PCDHA10: variants seen among roughly 807,000 people sequenced by gnomAD.
PCDHA10 encodes protocadherin alpha-10.
PCDHA10 carries 45 observed loss-of-function variants against 61.2 expected under a neutral mutation model. The ratio of observed to expected loss-of-function variants is 0.74; its 90% CI spans 0.58 to 0.94. The LOEUF is 0.94. PCDHA10 is among the 40% of genes least tolerant of loss of function. The pLI is 0.00. For missense variants in PCDHA10, 1,278 were observed against 1,236.2 expected, an observed-to-expected ratio of 1.03 and a Z score of -0.51; for synonymous variants, 602 against 548.8, an observed-to-expected ratio of 1.10 and a Z score of -1.35.
intron 1 of PCDHA10, chr5:140,877,301 A>T (rs2057007244): frequency 6.2e-7 from 1 of 1,613,758 alleles, no homozygotes; most frequent in African/African-American, 1.3e-5. Flanking sequence ...CTGTCCTACG[A>T]GTTGCAACCG....
chr5:140,873,031 G>A (rs782124612), intron 1 of PCDHA10, among the ~76,000 whole-genome samples: 3 of 152,110 alleles, frequency 2.0e-5, no homozygotes, highest in East Asian at 1.9e-4. Context: ...CTTACTACAC[G>A]TAGAGTGGTG....
intron 1 of PCDHA10, chr5:140,860,876 T>C (rs1451611710): frequency 6.6e-6 from 1 of 152,390 alleles, no homozygotes; most frequent in Non-Finnish European, 1.5e-5. Flanking sequence ...TAGCTGGGAC[T>C]ACAGGTGCCC....
chr5:140,862,813 T>C lies in PCDHA10; in HGVS notation c.2388+4377T>C. 2 of 571,594 alleles carry C rather than the reference T, an allele frequency of 3.5e-6. 1 individual carries two copies. Among genetic ancestry groups the C allele is most frequent in the Non-Finnish European group, 6.7e-6 (2 of 297,160 alleles). The allele number at this position is 571,594 out of a possible 1,614,324, so 35.4% of individuals were successfully genotyped here. On this transcript the variant is annotated intron_variant, in intron 1 of 3. Coordinates refer to ENST00000307360, the MANE Select transcript of PCDHA10 (RefSeq NM_018901.4). ...CGAGGAGCTGGAGCTGCTGCAGTTC[T>C]AGGTGAGAGCGCGCGACGCGGGCAT... is the stretch of plus-strand genomic sequence containing the variant.
At chr5:140,934,899 T>G (rs1320708660) in intron 1 of PCDHA10, among the ~76,000 whole-genome samples, 2 of 152,184 alleles carry the variant, frequency 1.3e-5, no homozygotes, top group Non-Finnish European at 2.9e-5. Flanking sequence ...AACCTTTTAT[T>G]TTGGAATAAT....
At chr5:141,004,976 A>G (rs1554259837) in intron 3 of PCDHA10, among the ~76,000 whole-genome samples, 1 of 152,248 alleles carries the variant, frequency 6.6e-6, no homozygotes, top group Non-Finnish European at 1.5e-5. Flanking sequence ...GTAAATTTGC[A>G]GTATCATTAT....
At chr5:140,867,777 A>C (rs1477276984) in intron 1 of PCDHA10, 1 of 152,128 alleles carries the variant, frequency 6.6e-6, no homozygotes, top group Non-Finnish European at 1.5e-5. Context: ...CTCATAAGCA[A>C]TTCCTGTATT....
intron 1 of PCDHA10, chr5:140,927,418 C>A: frequency 6.2e-7 from 1 of 1,614,106 alleles, no homozygotes; most frequent in Non-Finnish European, 8.5e-7. Flanking sequence ...CATGGGATCG[C>A]GGGTTGACGG....
At chr5:140,925,238 T>C (rs2082404327) in intron 1 of PCDHA10, among the ~76,000 whole-genome samples, 1 of 152,248 alleles carries the variant, frequency 6.6e-6, no homozygotes, top group African/African-American at 2.4e-5. Context: ...CCAGAAAATA[T>C]GTCCTGGAAA....
intron 1 of PCDHA10, among the ~76,000 whole-genome samples, chr5:140,906,751 G>C (rs782384757): frequency 1.3e-5 from 2 of 152,166 alleles, no homozygotes; most frequent in African/African-American, 2.4e-5. Context: ...CACAGGGCAT[G>C]GTAATACTAA....
intron 1 of PCDHA10, among the ~76,000 whole-genome samples, chr5:140,920,101 G>A (rs880001163): frequency 2.0e-5 from 3 of 152,180 alleles, no homozygotes; most frequent in African/African-American, 7.2e-5. Flanking sequence ...TCTAAAGGGA[G>A]TGCAACCTTG....
chr5:140,877,684 A>C, intron 1 of PCDHA10: 1 of 1,613,768 alleles, frequency 6.2e-7, no homozygotes, highest in East Asian at 2.2e-5. Flanking sequence ...GGGCAAGCCC[A>C]CGCTGGTGTG....
intron 3 of PCDHA10, among the ~76,000 whole-genome samples, chr5:140,997,706 A>G (rs1387378770): frequency 3.3e-5 from 5 of 151,686 alleles, no homozygotes; most frequent in African/African-American, 1.2e-4. Flanking sequence ...GTATGTTAAC[A>G]AACACCTTTC....
At chr5:140,988,877 G>A (rs372950279) in intron 3 of PCDHA10, 8 of 152,310 alleles carry the variant, frequency 5.3e-5, no homozygotes, top group East Asian at 3.9e-4. Context: ...TCAGATGTAC[G>A]ATCCTGGATA....
intron 3 of PCDHA10, among the ~76,000 whole-genome samples, chr5:140,986,151 G>T (rs547474191): frequency 6.6e-6 from 1 of 152,316 alleles, no homozygotes; most frequent in East Asian, 1.9e-4. Flanking sequence ...GCATCACCAA[G>T]TAATGTTTTC....
intron 1 of PCDHA10, among the ~76,000 whole-genome samples, chr5:140,937,563 G>T (rs986469529): frequency 2.0e-5 from 3 of 151,960 alleles, no homozygotes; most frequent in African/African-American, 7.3e-5. Flanking sequence ...GTTGCAGTGA[G>T]CTGGGATCGC....
chr5:140,967,529 C>A, intron 1 of PCDHA10: 1 of 1,613,244 alleles, frequency 6.2e-7, no homozygotes, highest in South Asian at 1.1e-5. Context: ...CGACAACTCT[C>A]CTGCCTTTGA....
intron 1 of PCDHA10, chr5:140,926,753 G>C (rs1431209513): frequency 3.5e-5 from 44 of 1,268,526 alleles, no homozygotes; most frequent in Non-Finnish European, 4.4e-5. Context: ...GTCGGCGGTC[G>C]CTGAGTATCC....
chr5:140,924,909 AATAAAAT>A (rs1563069072), intron 1 of PCDHA10, among the ~76,000 whole-genome samples: 5 of 66,374 alleles, frequency 7.5e-5, no homozygotes, highest in African/African-American at 2.5e-4. Context: ...AAAAAAATAA[AATAAAAT>A]AAAATAAAAT....
At chr5:140,917,037 GCA>G (rs2077840325) in intron 1 of PCDHA10, among the ~76,000 whole-genome samples, 1 of 152,268 alleles carries the variant, frequency 6.6e-6, no homozygotes, top group African/African-American at 2.4e-5. Context: ...GCTGAGTCCA[GCA>G]CAGTGTTGTT....
Sources: gnomAD v4.1 joint callset for allele counts (sites outside exome capture counted in the v4.1 genomes callset) on GRCh38, gnomAD v4.1.1 for gene constraint, MANE v1.5 for transcripts, NCBI Gene and HGNC (gene_info 2026-07-23, HGNC 2026-07-21) for gene names.